Variants in UNC13B observed in about 807,000 individuals in gnomAD.
The protein encoded by UNC13B is protein unc-13 homolog B.
A neutral mutation model predicts 211.0 loss-of-function variants in UNC13B; 144 were observed. The ratio of observed to expected loss-of-function variants is 0.68; its 90% CI spans 0.60 to 0.78. The LOEUF (loss-of-function observed/expected upper bound fraction) is 0.78, where lower values mean the gene tolerates loss of function less well. Among genes scored for constraint, UNC13B ranks in the 30% least tolerant of loss-of-function variants. The probability of loss-of-function intolerance (pLI) is 0.00; values close to 1 mark genes in which losing one functional copy is unlikely to be tolerated. For missense variants in UNC13B, 1,777 were observed against 2,002.0 expected (o/e 0.89, Z 2.14); for synonymous variants, 709 against 725.8 (o/e 0.98, Z 0.37).
intron 1 of UNC13B, among the ~76,000 whole-genome samples, chr9:35,171,546 C>T (rs1821333215): frequency 2.0e-5 from 3 of 152,078 alleles, no homozygotes; most frequent in South Asian, 4.1e-4. Flanking sequence ...GGACTACAAG[C>T]ATGTGCCACC....
chr9:35,385,414 A>T lies in UNC13B; in HGVS notation c.10876-310A>T, dbSNP rs1027934672. On this transcript the variant is annotated intron_variant, in intron 22 of 39. Coordinates refer to ENST00000635942, the MANE Select transcript of UNC13B (RefSeq NM_001371189.2). Reference sequence around the variant, plus strand: ...AAGAATCTTCATCCAAGAAAAAAGCATGTGTGTAAGTTTGTGTGTGCCTGT... The same window carrying T: ...AAGAATCTTCATCCAAGAAAAAAGCTTGTGTGTAAGTTTGTGTGTGCCTGT... The T allele has an allele frequency of 4.3e-5, 42 of 985,288 alleles. No homozygotes were observed. The South Asian group carries it at 4.7e-4, about 11-fold the overall frequency. 61.0% of individuals were successfully genotyped at this position (985,288 alleles called of 1,614,324 possible).
In UNC13B at chr9:35,307,783, A is replaced by T. The variant is rs1311119542; in HGVS notation, c.8379A>T (p.Ser2793=). 1 of 398,512 alleles carries T rather than the reference A, an allele frequency of 2.5e-6. No homozygotes were observed. Among genetic ancestry groups the T allele is most frequent in the Non-Finnish European group, 4.4e-6 (1 of 226,000 alleles). The allele number at this position is 398,512 out of a possible 1,614,324, so 24.7% of individuals were successfully genotyped here. ...AACCACTGAGCTCTTTCTTTTCCTC[A>T]CCTCTCCCCTCTGGCAATAGAGCAG... ...HGKPLSSFFS[S]PLPSGNRAAE... is the part of the protein sequence containing the mutation. Residue 2793 remains serine, a synonymous_variant, in exon 9 of 40, where the codon TCA becomes TCT. Transcript: ENST00000635942.
intron 11 of UNC13B, chr9:35,351,797 G>T (rs1052565756): frequency 3.2e-6 from 4 of 1,232,192 alleles, no homozygotes; most frequent in Non-Finnish European, 4.0e-6. Context: ...GGGCTCCACT[G>T]CCTATGTTTC....
At chr9:35,219,456 A>T (rs1005429107) in intron 1 of UNC13B, among the ~76,000 whole-genome samples, 1 of 152,088 alleles carries the variant, frequency 6.6e-6, no homozygotes, top group Non-Finnish European at 1.5e-5. Flanking sequence ...TTGAATATTA[A>T]GTAGTAGTAA....
intron 9 of UNC13B, 121 bp from the exon 10 acceptor site, chr9:35,310,346 C>A: frequency 9.1e-7 from 1 of 1,103,790 alleles, no homozygotes; most frequent in Non-Finnish European, 1.3e-6. Context: ...CCTCTCTTCC[C>A]AGGAACCTCC....
At chr9:35,187,285 C>G (rs1587327613) in intron 1 of UNC13B, among the ~76,000 whole-genome samples, 5 of 152,302 alleles carry the variant, frequency 3.3e-5, no homozygotes, top group African/African-American at 1.2e-4. Context: ...ACTTTCATTA[C>G]CTGGCAGATG....
At chr9:35,167,069 A>AT (rs973242321) in intron 1 of UNC13B, among the ~76,000 whole-genome samples, 1 of 151,582 alleles carries the variant, frequency 6.6e-6, no homozygotes, top group African/African-American at 2.4e-5. Context: ...GTGTTAGTGT[A>AT]TTTTTTTTAT....
chr9:35,317,338 C>T (rs981387669), intron 11 of UNC13B, among the ~76,000 whole-genome samples: 1 of 151,908 alleles, frequency 6.6e-6, no homozygotes, highest in Admixed American at 6.6e-5. Context: ...GTAGCTAGGA[C>T]TATAGGTACG....
At chr9:35,237,092 A>G (rs1353158551) in intron 4 of UNC13B, among the ~76,000 whole-genome samples, 1 of 152,086 alleles carries the variant, frequency 6.6e-6, no homozygotes, top group East Asian at 1.9e-4. Context: ...CACTGTCTCT[A>G]TACGTTATTT....
chr9:35,264,167 T>C (rs182576234), intron 7 of UNC13B, among the ~76,000 whole-genome samples: 4 of 152,222 alleles, frequency 2.6e-5, no homozygotes, highest in African/African-American at 9.6e-5. Flanking sequence ...AATATGGACA[T>C]GAAAGGTGAT....
intron 1 of UNC13B, among the ~76,000 whole-genome samples, chr9:35,179,660 G>A (rs1821827974): frequency 6.6e-6 from 1 of 152,018 alleles, no homozygotes; most frequent in African/African-American, 2.4e-5. Context: ...GTGTGGTGGT[G>A]CATGCCTGCA....
Position 35,376,236 on chromosome 9 carries a change from A to T in UNC13B, c.9824A>T (p.Asp3275Val). The stretch of plus-strand genomic sequence containing the variant: ...AAGTGCCAGGATCTGCTCAATGCTG[A>T]CTGCCTGCAGCGTGAGTGCCCTGCG... Reference protein sequence around the residue: ...HEKCQDLLNADCLQRAAEKSC... With the variant: ...HEKCQDLLNAVCLQRAAEKSC... Residue 3275 changes from aspartate (D) to valine (V), a missense_variant, in exon 15 of 40, where the codon GAC (aspartate) becomes GTC (valine). Physicochemically the swap from Asp to Val is radical, Grantham distance 152. Coordinates refer to ENST00000635942, the MANE Select transcript of UNC13B (RefSeq NM_001371189.2). 1.9e-6 allele frequency: 3 copies of T among 1,613,646 alleles called. No individual in the cohort carries two copies. The highest frequency in any genetic ancestry group is 2.5e-6 in the Non-Finnish European group (3 of 1,179,980).
intron 30 of UNC13B, 133 bp downstream of exon 30, chr9:35,397,845 G>A (rs1587773769): frequency 2.2e-6 from 2 of 890,676 alleles, no homozygotes; most frequent in Non-Finnish European, 3.4e-6. Context: ...CTTTGCTTCA[G>A]ATCCATGCCA....
At chr9:35,181,206 T>TAG (rs1821921113) in intron 1 of UNC13B, among the ~76,000 whole-genome samples, 2 of 152,244 alleles carry the variant, frequency 1.3e-5, no homozygotes, top group Non-Finnish European at 2.9e-5. Flanking sequence ...AGTGCCTTGA[T>TAG]AGGGACCCTT....
chr9:35,332,054 TCACTG>T (rs1831401929), intron 11 of UNC13B, among the ~76,000 whole-genome samples: 1 of 151,960 alleles, frequency 6.6e-6, no homozygotes, highest in South Asian at 2.1e-4. Flanking sequence ...CGATCTCAGC[TCACTG>T]CAACCTCCAC....
chr9:35,381,873 G>A (rs1212083920), intron 20 of UNC13B, among the ~76,000 whole-genome samples, 154 bp downstream of exon 20: 2 of 152,170 alleles, frequency 1.3e-5, no homozygotes, highest in African/African-American at 4.8e-5. Flanking sequence ...TATGCCCCAA[G>A]ACAAGAAGGG....
At position 35,399,164 on chromosome 9, in the gene UNC13B, C is replaced by A. The variant is rs1224445101; in HGVS notation, c.12078C>A (p.Leu4026=). Residue 4026 remains leucine, a synonymous_variant, in exon 34 of 40, where the codon CTC becomes CTA. Coordinates refer to ENST00000635942, the MANE Select transcript of UNC13B (RefSeq NM_001371189.2). ...CACCTGTTGCCTGGACTTGCAGCCT[C>A]ACCCTCTTTGCCACTGTGTGTGAGA... ...RPLMDFLDGN[L]TLFATVCEKT... 1 of 1,614,070 alleles carries A rather than the reference C, an allele frequency of 6.2e-7. No homozygotes were observed. The highest frequency in any genetic ancestry group is 8.5e-7 in the Non-Finnish European group (1 of 1,180,044).
intron 11 of UNC13B, among the ~76,000 whole-genome samples, chr9:35,350,602 C>T (rs931946074): frequency 6.6e-6 from 1 of 152,194 alleles, no homozygotes; most frequent in Admixed American, 6.5e-5. Flanking sequence ...ATACCTGTCT[C>T]TTTGGCTACC....
intron 7 of UNC13B, among the ~76,000 whole-genome samples, chr9:35,285,053 C>A (rs1828713828): frequency 6.6e-6 from 1 of 152,184 alleles, no homozygotes; most frequent in Admixed American, 6.5e-5. Flanking sequence ...GAGTGTGTTG[C>A]TGTAGCCTAG....
Sources: gnomAD v4.1 joint callset for allele counts (sites outside exome capture counted in the v4.1 genomes callset) on GRCh38, gnomAD v4.1.1 for gene constraint, MANE v1.5 for transcripts, NCBI Gene and HGNC (gene_info 2026-07-23, HGNC 2026-07-21) for gene names.